The following GIT2 variants were observed in gnomAD, a reference collection of about 807,000 sequenced individuals.
GIT2 encodes the protein GIT ArfGAP 2.
A neutral mutation model predicts 100.3 loss-of-function variants in GIT2; 32 were observed. That is an observed-to-expected ratio of 0.32 (90% CI 0.24 to 0.43). GIT2 has a LOEUF of 0.43. Ranked by LOEUF, GIT2 falls within the 20% of genes least tolerant of loss-of-function variation. The probability of loss-of-function intolerance (pLI) is 1.00; values close to 1 mark genes in which losing one functional copy is unlikely to be tolerated. For missense variants in GIT2, 737 were observed against 975.1 expected (o/e 0.76, Z 3.25); for synonymous variants, 353 against 364.1 (o/e 0.97, Z 0.35).
At chr12:109,968,526 C>T (rs1210775721) in intron 7 of GIT2, among the ~76,000 whole-genome samples, 1 of 152,114 alleles carries the variant, frequency 6.6e-6, no homozygotes, top group African/African-American at 2.4e-5. Flanking sequence ...TGGGTTCAAG[C>T]GATTCTTCTG....
At chr12:109,980,373 C>CTTTA (rs376418698) in intron 7 of GIT2, among the ~76,000 whole-genome samples, 40 of 151,978 alleles carry the variant, frequency 2.6e-4, no homozygotes, top group East Asian at 5.8e-4. Context: ...CCGGCAGAAG[C>CTTTA]TTTATTTATT....
Position 109,947,305 on chromosome 12 carries a change from G to A in GIT2, c.1592C>T (p.Ala531Val), listed in dbSNP as rs1178882459. 2.5e-6 allele frequency: 4 copies of A among 1,613,862 alleles called. No individual in the cohort carries two copies. The highest frequency in any genetic ancestry group is 1.3e-5 in the African/African-American group (1 of 75,028). The change falls in exon 15 of 20, where the codon GCG becomes GTG. Residue 531 changes from alanine (A) to valine (V), a missense_variant. This residue lies in a region of GIT2 where 451 missense variants were observed against 543.7 expected (regional missense o/e 0.83). Transcript: ENST00000355312. This position sits in a 1 kb window ranked among gnomAD's most constrained non-coding sequence, Gnocchi z 4.3. The stretch of plus-strand genomic sequence containing the variant: ...CATCCTGCTCTCTTCGGGGCGGCTC[G>A]CTTCTCCCATTGGGAGATATGGTTT... The part of the protein sequence containing the change: ...GQKPYLPMGE[A>V]SRPEESRMRL...
chr12:109,965,183 C>T (rs1401237429), intron 9 of GIT2, among the ~76,000 whole-genome samples: 1 of 152,202 alleles, frequency 6.6e-6, no homozygotes, highest in African/African-American at 2.4e-5. Context: ...CCCTACATGG[C>T]TAAGTCACCC....
chr12:109,940,467 T>C (rs1565937136), intron 16 of GIT2: 1 of 152,218 alleles, frequency 6.6e-6, no homozygotes, highest in East Asian at 1.9e-4. Flanking sequence ...AGGAGTTTTA[T>C]TGATGCTGCA....
intron 1 of GIT2, among the ~76,000 whole-genome samples, chr12:109,995,931 C>A (rs1202569356): frequency 6.6e-6 from 1 of 152,180 alleles, no homozygotes; most frequent in African/African-American, 2.4e-5. Flanking sequence ...CCCCAGTTGG[C>A]CTAGGACGGA....
In GIT2 at chr12:109,939,381, T is replaced by C. The variant is rs1592952008; in HGVS notation, c.1732-134A>G. 2.6e-5 allele frequency: 16 copies of C among 608,098 alleles called. No individual in the cohort carries two copies. The East Asian group carries it at 4.6e-4, about 18-fold the overall frequency. 37.7% of individuals were successfully genotyped at this position (608,098 alleles called of 1,614,324 possible). A position where few individuals can be genotyped will look rare whatever the true frequency, so the allele number is the denominator to read the frequency against. ...TCATTTGGGACAGGGGACAACTCTC[T>C]AGTGAAAATTTAGTAAAAGATGAAT... On this transcript the variant is annotated intron_variant, in intron 16 of 19. Transcript: ENST00000355312.
At chr12:109,951,854 A>G (rs890106146) in intron 13 of GIT2, among the ~76,000 whole-genome samples, 19 of 152,176 alleles carry the variant, frequency 1.2e-4, no homozygotes, top group African/African-American at 4.3e-4. Flanking sequence ...AGCTGGGGTA[A>G]GCCTGTGAGT....
intron 7 of GIT2, 83 bp downstream of exon 7, chr12:109,980,869 G>T: frequency 1.2e-6 from 1 of 815,972 alleles, no homozygotes; most frequent in South Asian, 1.3e-5. Flanking sequence ...CAGCAGAGGA[G>T]GTAATAACAA....
chr12:109,951,216 A>G lies in GIT2; in HGVS notation c.1343T>C (p.Met448Thr). The part of the protein sequence containing the change: ...VASEAKIQQL[M>T]KVNNNLSDEL... ...GTCACTCAAGTTGTTATTCACCTTCATTAGCTGCTGTATCTTGGCCTCAGA... is the reference window on the plus strand; with the variant it reads ...GTCACTCAAGTTGTTATTCACCTTCGTTAGCTGCTGTATCTTGGCCTCAGA... Residue 448 changes from methionine to threonine, a missense_variant, in exon 14 of 20, where the codon ATG (methionine) becomes ACG (threonine). Met to Thr is a moderately conservative substitution (Grantham distance 81). Around this residue, in one of 3 missense-constraint regions of GIT2, gnomAD observed 451 missense variants for 543.7 expected, o/e 0.83. Transcript: ENST00000355312. The G allele has an allele frequency of 6.2e-7, 1 of 1,613,660 alleles. No individual in the cohort carries two copies. The highest frequency in any genetic ancestry group is 8.5e-7 in the Non-Finnish European group (1 of 1,179,566).
chr12:109,967,422 G>A lies in GIT2; in HGVS notation c.764+36C>T, dbSNP rs769297832. The A allele has an allele frequency of 1.0e-4, 151 of 1,515,616 alleles. No homozygotes were observed. In the Admixed American group the frequency reaches 1.9e-3, roughly 19 times the overall value. 93.9% of individuals were successfully genotyped at this position (1,515,616 alleles called of 1,614,324 possible). On this transcript the variant is annotated intron_variant, in intron 8 of 19. Coordinates refer to ENST00000355312, the MANE Select transcript of GIT2 (RefSeq NM_057169.5). Reference sequence around the variant, plus strand: ...ATAATACAACCAAGGAAATATTAGCGATAGACAAAACTAACTGGTATTTCA... The same window carrying A: ...ATAATACAACCAAGGAAATATTAGCAATAGACAAAACTAACTGGTATTTCA...
At chr12:109,935,802 A>G (rs1872804542) in intron 18 of GIT2, among the ~76,000 whole-genome samples, 1 of 152,236 alleles carries the variant, frequency 6.6e-6, no homozygotes, top group Non-Finnish European at 1.5e-5. Context: ...GCCATCTCTC[A>G]AAAGCTCACT....
upstream of GIT2, chr12:109,999,457 G>C (rs375783870): frequency 1.3e-5 from 3 of 238,620 alleles, no homozygotes; most frequent in Admixed American, 5.6e-5. The surrounding 1 kb of genome is among the most constrained non-coding windows in gnomAD (Gnocchi z 4.3). Context: ...CTGTCAGCGC[G>C]GGCGGGAACG....
chr12:109,993,150 C>T (rs551692352), intron 1 of GIT2, among the ~76,000 whole-genome samples: 81 of 152,048 alleles, frequency 5.3e-4, no homozygotes, highest in African/African-American at 1.9e-3. Context: ...ATTAGCTGTC[C>T]TTTGAAACAA....
rs540756621 is a variant in GIT2 at position 109,981,181 on chromosome 12, T to C, written c.624-135A>G. On this transcript the variant is annotated intron_variant, in intron 6 of 19. Coordinates refer to ENST00000355312, the MANE Select transcript of GIT2 (RefSeq NM_057169.5). ...TTGAGAATCATCAACCTTCTTGTGG[T>C]AGGTAGATTTCTGAAGTCTACTTTG... 9.8e-5 allele frequency: 66 copies of C among 673,740 alleles called. 1 individual carries two copies. The South Asian group carries it at 1.1e-3, about 11-fold the overall frequency. The allele number at this position is 673,740 out of a possible 1,614,324, so 41.7% of individuals were successfully genotyped here. A position where few individuals can be genotyped will look rare whatever the true frequency, so the allele number is the denominator to read the frequency against.
chr12:109,991,323 A>C (rs1371237175), intron 2 of GIT2, among the ~76,000 whole-genome samples: 1 of 152,028 alleles, frequency 6.6e-6, no homozygotes, highest in Non-Finnish European at 1.5e-5. Flanking sequence ...AAAAAAAAAA[A>C]AACATTTCCG....
chr12:109,969,382 G>A lies in GIT2; in HGVS notation c.719-1879C>T, dbSNP rs1015825715. On this transcript the variant is annotated intron_variant, in intron 7 of 19. Transcript: ENST00000355312. ...CAGTTTCACCATGTTAGTCAGGTTGGTCTTGAACTTCAGACCTCTGGTGAT... is the reference window on the plus strand; with the variant it reads ...CAGTTTCACCATGTTAGTCAGGTTGATCTTGAACTTCAGACCTCTGGTGAT... Among the ~76,000 whole-genome samples the A allele has an allele frequency of 3.3e-5, 5 of 151,938 alleles. No individual in the cohort carries two copies. The East Asian group carries it at 9.7e-4, about 29-fold the overall frequency.
chr12:109,943,335 A>C (rs1299405529), intron 16 of GIT2, among the ~76,000 whole-genome samples: 1 of 140,848 alleles, frequency 7.1e-6, no homozygotes, highest in South Asian at 2.2e-4. Context: ...TGCTCAGGAG[A>C]CTTTTTTTTT....
At chr12:109,969,215 T>C (rs1883263014) in intron 7 of GIT2, among the ~76,000 whole-genome samples, 1 of 140,796 alleles carries the variant, frequency 7.1e-6, no homozygotes, top group Non-Finnish European at 1.5e-5. Context: ...TTGCCCAGGC[T>C]AGAGTGCAAT....
intron 16 of GIT2, among the ~76,000 whole-genome samples, chr12:109,942,026 T>G (rs1874885877): frequency 6.6e-6 from 1 of 152,122 alleles, no homozygotes; most frequent in Non-Finnish European, 1.5e-5. Flanking sequence ...GGTCTCACTA[T>G]GTTGCCCAGC....
Sources: gnomAD v4.1 joint callset for allele counts (sites outside exome capture counted in the v4.1 genomes callset) on GRCh38, gnomAD v4.1.1 for gene constraint, gnomAD v4.1.1 regional missense constraint, Gnocchi (gnomAD v3.1) non-coding constraint, MANE v1.5 for transcripts, NCBI Gene and HGNC (gene_info 2026-07-23, HGNC 2026-07-21) for gene names.